The following CSMD1 variants were observed in gnomAD, a reference collection of about 807,000 sequenced individuals.
CSMD1 encodes the protein CUB and Sushi multiple domains 1, also known as CUB and sushi domain-containing protein 1.
In CSMD1, 213 loss-of-function variants were observed where a neutral mutation model predicts 417.5. The observed-to-expected ratio is 0.51, with a 90% CI of 0.46 to 0.57. CSMD1 has a LOEUF of 0.57. CSMD1 is among the 20% of genes least tolerant of loss of function. The pLI is 0.00. For missense variants in CSMD1, 6,923 were observed against 4,529.7 expected (o/e 1.53, Z -15.17); for synonymous variants, 2,862 against 1,736.8 (o/e 1.65, Z -16.11).
intron 3 of CSMD1, among the ~76,000 whole-genome samples, chr8:4,330,382 G>A (rs12679965): frequency 0.5 from 75,936 of 151,842 alleles, 22,576 homozygotes; most frequent in Admixed American, 0.69. Context: ...ATCACTTGAG[G>A]TCAGGAGTTC....
chr8:3,030,471 C>A (rs978065541), intron 50 of CSMD1, among the ~76,000 whole-genome samples: 4 of 151,730 alleles, frequency 2.6e-5, no homozygotes, highest in Admixed American at 2.0e-4. Flanking sequence ...ATTTTAAATT[C>A]TTTTTTTGTG....
At position 4,902,432 on chromosome 8, in the gene CSMD1, G is replaced by T. The variant is rs531677408; in HGVS notation, c.85+91900C>A. 2.9e-5 allele frequency among the ~76,000 whole-genome samples: 3 copies of T among 104,000 alleles called. No homozygotes were observed. In the East Asian group the frequency reaches 9.9e-4, roughly 34 times the overall value. The allele number at this position is 104,000 out of a possible 152,430, so 68.2% of individuals were successfully genotyped here. ...AGAACAAGAACCCATCTCTAAAGAG[G>T]AGAAAAAAAAAAAAGAAAGGAAACT... On this transcript the variant is annotated intron_variant, in intron 1 of 69. Transcript: ENST00000635120.
chr8:3,388,278 C>G (rs1464988433), intron 17 of CSMD1, among the ~76,000 whole-genome samples: 3 of 152,104 alleles, frequency 2.0e-5, no homozygotes, highest in African/African-American at 7.2e-5. Context: ...CCTTTGCTAA[C>G]GATGGGAAAA....
chr8:3,521,623 G>A lies in CSMD1; in HGVS notation c.1345-27897C>T, dbSNP rs536540942. On this transcript the variant is annotated intron_variant, in intron 10 of 69. Transcript: ENST00000635120. Reference sequence around the variant, plus strand: ...GTGTTTAGCTAAATCCCTTGTACACGGAGCAAAGTACATTTACAGGAGGAT... The same window carrying A: ...GTGTTTAGCTAAATCCCTTGTACACAGAGCAAAGTACATTTACAGGAGGAT... Among the ~76,000 whole-genome samples the A allele has an allele frequency of 4.6e-5, 7 of 152,148 alleles. No homozygotes were observed. The Middle Eastern group carries it at 0.01, about 223-fold the overall frequency.
At chr8:3,809,311 T>G (rs549253267) in intron 5 of CSMD1, among the ~76,000 whole-genome samples, 109 of 152,278 alleles carry the variant, frequency 7.2e-4, no homozygotes, top group Non-Finnish European at 2.8e-4. Flanking sequence ...TCATTGAAAG[T>G]TCTTGTTCAC....
intron 5 of CSMD1, among the ~76,000 whole-genome samples, chr8:3,771,727 T>G (rs1287059247): frequency 6.6e-6 from 1 of 152,120 alleles, no homozygotes; most frequent in South Asian, 2.1e-4. Flanking sequence ...AAACGCAAGA[T>G]TCAATGACAT....
chr8:3,589,787 T>A (rs1191877231), intron 8 of CSMD1, among the ~76,000 whole-genome samples: 3 of 152,108 alleles, frequency 2.0e-5, no homozygotes, highest in African/African-American at 7.2e-5. Context: ...TGTGAAGTAA[T>A]GGGTATGTTA....
intron 49 of CSMD1, among the ~76,000 whole-genome samples, chr8:3,053,443 C>G (rs989646650): frequency 6.6e-6 from 1 of 151,964 alleles, no homozygotes; most frequent in Non-Finnish European, 1.5e-5. Flanking sequence ...TTTATTGTTC[C>G]TCTCCCCTTC....
chr8:4,832,910 T>C (rs922261892), intron 1 of CSMD1, among the ~76,000 whole-genome samples: 3 of 152,110 alleles, frequency 2.0e-5, no homozygotes, highest in African/African-American at 4.8e-5. Context: ...GCTCAAGCAC[T>C]CTAAGTTTAG....
In CSMD1 at chr8:3,867,201, C is replaced by G. The variant is rs565331139; in HGVS notation, c.819-113159G>C. Among the ~76,000 whole-genome samples, 362 of 152,072 alleles carry G rather than the reference C, an allele frequency of 2.4e-3. 1 individual carries two copies. Among genetic ancestry groups the G allele is most frequent in the African/African-American group, 8.4e-3 (349 of 41,472 alleles). On this transcript the variant is annotated intron_variant, in intron 5 of 69. Coordinates refer to ENST00000635120, the MANE Select transcript of CSMD1 (RefSeq NM_033225.6). ...TGGTCTTGTCAATTGTATATATAGACAAAAGAGTGAATTAATGCATGAATA... is the reference window on the plus strand; with the variant it reads ...TGGTCTTGTCAATTGTATATATAGAGAAAAGAGTGAATTAATGCATGAATA...
intron 5 of CSMD1, among the ~76,000 whole-genome samples, chr8:3,775,475 A>G (rs907514700): frequency 6.6e-6 from 1 of 152,196 alleles, no homozygotes; most frequent in Non-Finnish European, 1.5e-5. Flanking sequence ...GATACTCATG[A>G]AAAGGACACG....
chr8:3,649,481 G>C (rs1234008654), intron 7 of CSMD1, among the ~76,000 whole-genome samples: 2 of 152,106 alleles, frequency 1.3e-5, no homozygotes, highest in African/African-American at 4.8e-5. Flanking sequence ...TGGCTGGGGA[G>C]GCCTCAGGAA....
intron 23 of CSMD1, among the ~76,000 whole-genome samples, chr8:3,323,558 TCTC>T (rs200488639): frequency 0.046 from 7,009 of 152,138 alleles, 357 homozygotes; most frequent in East Asian, 0.21. Flanking sequence ...CTTTAAACAC[TCTC>T]CAACAGTTAA....
intron 41 of CSMD1, among the ~76,000 whole-genome samples, chr8:3,121,949 C>T (rs1817236592): frequency 6.6e-6 from 1 of 152,066 alleles, no homozygotes; most frequent in Non-Finnish European, 1.5e-5. Context: ...ATTTATAATG[C>T]ACCTAAATAT....
chr8:4,062,394 T>C (rs1211634812), intron 3 of CSMD1, among the ~76,000 whole-genome samples: 1 of 152,032 alleles, frequency 6.6e-6, no homozygotes, highest in Non-Finnish European at 1.5e-5. Context: ...AAGAGGGCAA[T>C]GAGACCAATC....
In CSMD1 at chr8:2,943,803, G is replaced by A. The variant is rs149277671; in HGVS notation, c.10403-1199C>T. On this transcript the variant is annotated intron_variant, in intron 68 of 69. Coordinates refer to ENST00000635120, the MANE Select transcript of CSMD1 (RefSeq NM_033225.6). Reference sequence around the variant, plus strand: ...AGGTGTGCAATGAATCATGATTGGCGTCATCTCAATATAGCAGAATTGTTG... The same window carrying A: ...AGGTGTGCAATGAATCATGATTGGCATCATCTCAATATAGCAGAATTGTTG... 1.1e-3 allele frequency among the ~76,000 whole-genome samples: 167 copies of A among 152,292 alleles called. 1 individual carries two copies. The highest frequency in any genetic ancestry group is 3.7e-3 in the African/African-American group (153 of 41,562).
chr8:2,997,226 C>T (rs543819578), intron 54 of CSMD1, among the ~76,000 whole-genome samples: 13 of 152,336 alleles, frequency 8.5e-5, no homozygotes, highest in Non-Finnish European at 1.6e-4. Context: ...TTTGAGCTTA[C>T]GCCAAGACCT....
At chr8:4,809,178 G>A (rs1030393532) in intron 1 of CSMD1, among the ~76,000 whole-genome samples, 12 of 152,094 alleles carry the variant, frequency 7.9e-5, no homozygotes, top group Admixed American at 1.3e-4. Flanking sequence ...ATAAATACAC[G>A]TCTTGATATC....
intron 4 of CSMD1, among the ~76,000 whole-genome samples, chr8:4,000,867 A>T (rs560926206): frequency 6.6e-6 from 1 of 152,146 alleles, no homozygotes; most frequent in African/African-American, 2.4e-5. Flanking sequence ...TTACCTAAGA[A>T]GATAAAATAT....
Sources: gnomAD v4.1 joint callset for allele counts (sites outside exome capture counted in the v4.1 genomes callset) on GRCh38, gnomAD v4.1.1 for gene constraint, MANE v1.5 for transcripts, NCBI Gene and HGNC (gene_info 2026-07-23, HGNC 2026-07-21) for gene names.